CFAP300: variants seen among roughly 807,000 people sequenced by gnomAD.
CFAP300 encodes the protein cilia and flagella associated protein 300, also known as cilia- and flagella-associated protein 300.
CFAP300 carries 32 observed loss-of-function variants against 33.0 expected under a neutral mutation model. The ratio of observed to expected loss-of-function variants is 0.97; its 90% CI spans 0.73 to 1.30. The LOEUF (loss-of-function observed/expected upper bound fraction) is 1.30. Among genes scored for constraint, CFAP300 ranks in the 50% most tolerant of loss-of-function variants. The pLI is 0.00. For missense variants in CFAP300, 356 were observed against 318.1 expected (o/e 1.12, Z -0.90); for synonymous variants, 102 against 106.8 (o/e 0.95, Z 0.28).
intron 4 of CFAP300, among the ~76,000 whole-genome samples, chr11:102,069,345 G>C (rs1219026776): frequency 1.3e-5 from 2 of 152,196 alleles, no homozygotes; most frequent in Non-Finnish European, 2.9e-5. Context: ...CTGTAATGTA[G>C]TAAGTACTAA....
rs767760877 is a variant in CFAP300 at position 102,047,858 on chromosome 11, C to A, written c.154C>A (p.Gln52Lys). 1.9e-6 allele frequency: 3 copies of A among 1,614,070 alleles called. No individual in the cohort carries two copies. In the East Asian group the frequency reaches 6.7e-5, roughly 36 times the overall value. Residue 52 changes from glutamine to lysine, a missense_variant, in exon 2 of 7, where the codon CAG becomes AAG. Gln to Lys is a moderately conservative substitution (Grantham distance 53, BLOSUM62 1). Transcript: ENST00000434758. The part of the protein sequence containing the change: ...RIKAQAFGFD[Q>K]TFQSYRKDDF... The stretch of plus-strand genomic sequence containing the variant: ...CAAGGCGCAGGCGTTCGGCTTTGAC[C>A]AGACCTTTCAGTCCTATCGGAAGGA...
chr11:102,058,070 T>C (rs1942085960), intron 2 of CFAP300: 1 of 152,364 alleles, frequency 6.6e-6, no homozygotes, highest in African/African-American at 2.4e-5. Context: ...AGATCAACTG[T>C]AGTGCTTCGT....
chr11:102,076,161 A>T, intron 5 of CFAP300, 116 bp downstream of exon 5: 1 of 1,199,676 alleles, frequency 8.3e-7, no homozygotes, highest in Non-Finnish European at 1.1e-6. Context: ...CAAAGCATAT[A>T]AAAAGCTCTA....
At chr11:102,061,043 A>G (rs890081484) in intron 3 of CFAP300, among the ~76,000 whole-genome samples, 1 of 152,200 alleles carries the variant, frequency 6.6e-6, no homozygotes, top group African/African-American at 2.4e-5. Context: ...GCTCACTGAA[A>G]TAAGTGCTCA....
chr11:102,066,779 C>A, intron 4 of CFAP300, 128 bp downstream of exon 4: 1 of 696,720 alleles, frequency 1.4e-6, no homozygotes, highest in Non-Finnish European at 2.3e-6. Flanking sequence ...AAGTAATGAT[C>A]GGTAATAATC....
chr11:102,053,965 A>C (rs1301492030), intron 2 of CFAP300, among the ~76,000 whole-genome samples: 1 of 152,170 alleles, frequency 6.6e-6, no homozygotes, highest in Non-Finnish European at 1.5e-5. Context: ...TCTCTCCCTT[A>C]AAAAATGGTA....
intron 2 of CFAP300, among the ~76,000 whole-genome samples, chr11:102,051,997 C>G (rs1409843997): frequency 6.6e-6 from 1 of 152,226 alleles, no homozygotes; most frequent in Non-Finnish European, 1.5e-5. Context: ...TACAGAAAAT[C>G]TCTTCTAATG....
chr11:102,049,047 A>G (rs1207743160), intron 2 of CFAP300, among the ~76,000 whole-genome samples: 6 of 152,072 alleles, frequency 3.9e-5, no homozygotes, highest in Admixed American at 2.0e-4. Flanking sequence ...CAATAAATGA[A>G]AAAACAATCT....
intron 2 of CFAP300, among the ~76,000 whole-genome samples, chr11:102,054,693 C>T (rs1295811434): frequency 7.0e-6 from 1 of 142,702 alleles, no homozygotes; most frequent in East Asian, 2.1e-4. Context: ...CGAACCATTG[C>T]ACTCCAGCCT....
Position 102,063,132 on chromosome 11 carries a change from G to A in CFAP300, c.269-3353G>A, listed in dbSNP as rs1218066874. ...AGAACATACGGGCTAAATTGGCCCT[G>A]TGGAACCTTGGAGATTGGGCCACCC... On this transcript the variant is annotated intron_variant, in intron 3 of 6. Transcript: ENST00000434758. Among the ~76,000 whole-genome samples the A allele has an allele frequency of 9.3e-5, 14 of 150,892 alleles. No individual in the cohort carries two copies. In the East Asian group the frequency reaches 2.8e-3, roughly 30 times the overall value.
chr11:102,058,877 T>C lies in CFAP300; in HGVS notation c.193-3T>C. 1 of 1,548,782 alleles carries C rather than the reference T, an allele frequency of 6.5e-7. No homozygotes were observed. The stretch of plus-strand genomic sequence containing the variant: ...ACTTATTCCCCTCAAATTTGTATTT[T>C]AGGCTTTTTTCAAAGACCCAAATGT... On this transcript the variant is annotated splice_polypyrimidine_tract_variant and splice_region_variant and intron_variant, in intron 2 of 6. Coordinates refer to ENST00000434758, the MANE Select transcript of CFAP300 (RefSeq NM_032930.3).
chr11:102,081,889 TAA>T (rs72280444), intron 6 of CFAP300, among the ~76,000 whole-genome samples: 40 of 118,664 alleles, frequency 3.4e-4, no homozygotes, highest in Admixed American at 3.6e-4. Flanking sequence ...AGACTCCATC[TAA>T]AAAAAAAAAA....
In CFAP300 at chr11:102,076,080, G is replaced by A. The variant is rs371474452; in HGVS notation, c.608+35G>A. On this transcript the variant is annotated intron_variant, in intron 5 of 6. Transcript: ENST00000434758. Reference sequence around the variant, plus strand: ...CTAGATCACAATATGTAAATCTCTAGTTAATAGAATAAATTATTTGCTTAA... The same window carrying A: ...CTAGATCACAATATGTAAATCTCTAATTAATAGAATAAATTATTTGCTTAA... 250 of 1,561,404 alleles carry A rather than the reference G, an allele frequency of 1.6e-4. No individual in the cohort carries two copies. The African/African-American group carries it at 3.1e-3, about 19-fold the overall frequency.
At position 102,047,494 on chromosome 11, in the gene CFAP300, C is replaced by G; in HGVS notation, c.24C>G (p.Asp8Glu). 1.3e-6 allele frequency: 2 copies of G among 1,535,972 alleles called. No individual in the cohort carries two copies. Among genetic ancestry groups the G allele is most frequent in the Non-Finnish European group, 1.7e-6 (2 of 1,146,782 alleles). The stretch of plus-strand genomic sequence containing the variant: ...CGATGGCTACTGGGGAGCTCGGGGA[C>G]TTGGGTGGCTACTACTTCAGGTTCT... MATGELG[D>E]LGGYYFRFLP... The change falls in exon 1 of 7, where the codon GAC becomes GAG. Residue 8 changes from aspartate to glutamate, a missense_variant. Asp to Glu is a conservative substitution (Grantham distance 45, BLOSUM62 2). Coordinates refer to ENST00000434758, the MANE Select transcript of CFAP300 (RefSeq NM_032930.3).
rs147248903 is a variant in CFAP300 at position 102,053,290 on chromosome 11, G to A, written c.192+5394G>A. On this transcript the variant is annotated intron_variant, in intron 2 of 6. Transcript: ENST00000434758. ...AAAGGCTGGGCACAGTGGCTCTCAC[G>A]CCTATAATCCCAGCACTTTGGGAGG... 4.0e-3 allele frequency among the ~76,000 whole-genome samples: 610 copies of A among 151,852 alleles called. 3 individuals carry two copies. Among genetic ancestry groups the A allele is most frequent in the African/African-American group, 8.5e-3 (350 of 41,416 alleles).
intron 4 of CFAP300, among the ~76,000 whole-genome samples, chr11:102,072,468 AT>A (rs939341936): frequency 4.2e-4 from 50 of 119,618 alleles, no homozygotes; most frequent in South Asian, 7.6e-4. Context: ...TTTTGAGAGA[AT>A]TTTTTTTTTT....
Position 102,059,885 on chromosome 11 carries a change from A to G in CFAP300, c.268+930A>G, listed in dbSNP as rs189152545. 4.7e-3 allele frequency among the ~76,000 whole-genome samples: 706 copies of G among 150,444 alleles called. 8 individuals are homozygous for G. The highest frequency in any genetic ancestry group is 0.017 in the African/African-American group (675 of 40,896). On this transcript the variant is annotated intron_variant, in intron 3 of 6. Coordinates refer to ENST00000434758, the MANE Select transcript of CFAP300 (RefSeq NM_032930.3). ...GAGTGCAGTGGTGCCTCCTGGGTTC[A>G]AGCAATTCTCATGCCTCAGCCTCCC...
In CFAP300 at chr11:102,047,595, C is replaced by T. The variant is rs1429576787; in HGVS notation, c.110+15C>T. 14 of 1,533,484 alleles carry T rather than the reference C, an allele frequency of 9.1e-6. No homozygotes were observed. The East Asian group carries it at 3.4e-4, about 38-fold the overall frequency. The allele number at this position is 1,533,484 out of a possible 1,614,324, so 95.0% of individuals were successfully genotyped here. Reference sequence around the variant, plus strand: ...CTCCGCCAGTGGTGAGGAACCGAGGCACAGGGAGAGAAGAGGCCCTTGGTC... The same window carrying T: ...CTCCGCCAGTGGTGAGGAACCGAGGTACAGGGAGAGAAGAGGCCCTTGGTC... On this transcript the variant is annotated intron_variant, in intron 1 of 6. Coordinates refer to ENST00000434758, the MANE Select transcript of CFAP300 (RefSeq NM_032930.3).
At chr11:102,079,011 A>G (rs958798658) in intron 5 of CFAP300, among the ~76,000 whole-genome samples, 9 of 152,122 alleles carry the variant, frequency 5.9e-5, no homozygotes, top group Non-Finnish European at 7.4e-5. Flanking sequence ...TGCCCGGCCG[A>G]TATACTTGTG....
Sources: gnomAD v4.1 joint callset for allele counts (sites outside exome capture counted in the v4.1 genomes callset) on GRCh38, gnomAD v4.1.1 for gene constraint, MANE v1.5 for transcripts, NCBI Gene and HGNC (gene_info 2026-07-23, HGNC 2026-07-21) for gene names.